The following SPOCK1 variants were observed in gnomAD, a reference collection of about 807,000 sequenced individuals.
The protein encoded by SPOCK1 is testican-1.
SPOCK1 carries 23 observed loss-of-function variants against 55.3 expected under a neutral mutation model. The observed-to-expected ratio is 0.42, with a 90% CI of 0.30 to 0.59. The LOEUF (loss-of-function observed/expected upper bound fraction) is 0.59. Ranked by LOEUF, SPOCK1 falls within the 20% of genes least tolerant of loss-of-function variation. The pLI is 0.22. For synonymous variants in SPOCK1, 226 were observed against 221.0 expected, an observed-to-expected ratio of 1.02 and a Z score of -0.20; for missense variants, 499 against 552.5, an observed-to-expected ratio of 0.90 and a Z score of 0.97.
chr5:137,254,640 C>G (rs868314338), intron 3 of SPOCK1, among the ~76,000 whole-genome samples: 2 of 152,252 alleles, frequency 1.3e-5, no homozygotes, highest in Admixed American at 6.5e-5. Context: ...GTAAAGCCCA[C>G]ACTACACTGT....
intron 6 of SPOCK1, among the ~76,000 whole-genome samples, chr5:137,012,825 A>G (rs1018160513): frequency 6.6e-6 from 1 of 152,248 alleles, no homozygotes; most frequent in Non-Finnish European, 1.5e-5. Context: ...AAGGCTTATC[A>G]TAGAAAAAAT....
intron 2 of SPOCK1, among the ~76,000 whole-genome samples, chr5:137,392,111 T>G (rs766250282): frequency 2.2e-4 from 33 of 152,172 alleles, no homozygotes; most frequent in Admixed American, 1.4e-3. Context: ...TCTAAATTAA[T>G]TCTATCCACA....
intron 5 of SPOCK1, among the ~76,000 whole-genome samples, chr5:137,101,010 A>T (rs1188744043): frequency 2.0e-5 from 3 of 152,310 alleles, no homozygotes; most frequent in African/African-American, 7.2e-5. Flanking sequence ...CCCATATAAC[A>T]CACAGGTCTC....
intron 4 of SPOCK1, among the ~76,000 whole-genome samples, chr5:137,115,482 T>C (rs567630998): frequency 2.6e-5 from 4 of 152,324 alleles, no homozygotes; most frequent in South Asian, 4.2e-4. Context: ...CCTTCAGTTT[T>C]ATAAATAATA....
intron 6 of SPOCK1, among the ~76,000 whole-genome samples, chr5:137,008,745 G>T (rs1367469743): frequency 3.3e-5 from 5 of 152,060 alleles, no homozygotes; most frequent in Admixed American, 6.6e-5. Context: ...CATAATAGTT[G>T]GAGTCAGATG....
intron 5 of SPOCK1, among the ~76,000 whole-genome samples, chr5:137,076,718 A>G (rs901282687): frequency 1.3e-5 from 2 of 151,596 alleles, no homozygotes; most frequent in Admixed American, 1.3e-4. Flanking sequence ...CAGTTGAACC[A>G]TTGTAAGTCA....
chr5:137,408,375 A>G (rs1752143388), intron 2 of SPOCK1, among the ~76,000 whole-genome samples: 1 of 152,188 alleles, frequency 6.6e-6, no homozygotes, highest in South Asian at 2.1e-4. Flanking sequence ...TTCCTCTCAT[A>G]TAGGCCCAAC....
intron 2 of SPOCK1, among the ~76,000 whole-genome samples, chr5:137,467,670 G>A (rs1753647062): frequency 6.6e-6 from 1 of 152,172 alleles, no homozygotes; most frequent in East Asian, 1.9e-4. Flanking sequence ...GAGCCAGGCT[G>A]AGACCAAAAG....
At chr5:137,044,148 G>A (rs1752057470) in intron 6 of SPOCK1, among the ~76,000 whole-genome samples, 1 of 152,168 alleles carries the variant, frequency 6.6e-6, no homozygotes, top group Non-Finnish European at 1.5e-5. Context: ...AGTGTTCTAA[G>A]CATAAAGAAT....
intron 2 of SPOCK1, among the ~76,000 whole-genome samples, chr5:137,453,462 A>G (rs890601415): frequency 6.6e-6 from 1 of 152,208 alleles, no homozygotes; most frequent in African/African-American, 2.4e-5. Flanking sequence ...TAAGACCAAG[A>G]AAACTTGGGC....
At chr5:137,074,681 T>C (rs1752714599) in intron 5 of SPOCK1, among the ~76,000 whole-genome samples, 1 of 144,764 alleles carries the variant, frequency 6.9e-6, no homozygotes, top group South Asian at 2.4e-4. Context: ...CATGCCCTGC[T>C]AATTTTTGTA....
intron 3 of SPOCK1, among the ~76,000 whole-genome samples, chr5:137,189,239 A>C (rs1408653489): frequency 6.6e-6 from 1 of 152,262 alleles, no homozygotes; most frequent in Non-Finnish European, 1.5e-5. Context: ...AATGCAGGCA[A>C]AACAACTTTC....
Position 137,045,046 on chromosome 5 carries a change from T to A in SPOCK1, c.589+22669A>T, listed in dbSNP as rs905758226. On this transcript the variant is annotated intron_variant, in intron 6 of 10. Coordinates refer to ENST00000394945, the MANE Select transcript of SPOCK1 (RefSeq NM_004598.4). The stretch of plus-strand genomic sequence containing the variant: ...ATTTTCTTAATCCAGTCTATCATTG[T>A]TGGACATTTGGGTTGGTTCCAAGTC... Among the ~76,000 whole-genome samples, 10 of 141,338 alleles carry A rather than the reference T, an allele frequency of 7.1e-5. 1 individual carries two copies. The highest frequency in any genetic ancestry group is 7.6e-3 in the Middle Eastern group (2 of 262). The allele number at this position is 141,338 out of a possible 152,430, so 92.7% of individuals were successfully genotyped here.
chr5:137,475,108 C>T (rs758544563), intron 2 of SPOCK1, among the ~76,000 whole-genome samples: 8 of 152,082 alleles, frequency 5.3e-5, no homozygotes, highest in Non-Finnish European at 8.8e-5. Flanking sequence ...TGAGACAAGG[C>T]GGCATGGCAT....
intron 2 of SPOCK1, among the ~76,000 whole-genome samples, chr5:137,419,342 T>G (rs963696774): frequency 2.0e-5 from 3 of 152,130 alleles, no homozygotes; most frequent in African/African-American, 4.8e-5. Context: ...GTGAAGAAAG[T>G]CATTGGTAGC....
intron 2 of SPOCK1, among the ~76,000 whole-genome samples, chr5:137,348,707 G>T (rs570160935): frequency 6.6e-6 from 1 of 152,104 alleles, no homozygotes; most frequent in Non-Finnish European, 1.5e-5. Context: ...CAATTACATT[G>T]CTCCTGTGTT....
intron 3 of SPOCK1, among the ~76,000 whole-genome samples, chr5:137,240,593 T>C (rs1026451729): frequency 6.6e-6 from 1 of 152,160 alleles, no homozygotes; most frequent in Non-Finnish European, 1.5e-5. Flanking sequence ...GGGATATCTA[T>C]TTAAACTATA....
At chr5:137,259,069 T>C (rs991649925) in intron 3 of SPOCK1, among the ~76,000 whole-genome samples, 7 of 152,202 alleles carry the variant, frequency 4.6e-5, no homozygotes, top group Non-Finnish European at 1.0e-4. Flanking sequence ...TACCTACTCC[T>C]TGGCCCTTTG....
At chr5:137,164,141 T>C (rs1754607169) in intron 3 of SPOCK1, among the ~76,000 whole-genome samples, 2 of 152,320 alleles carry the variant, frequency 1.3e-5, no homozygotes, top group African/African-American at 4.8e-5. Flanking sequence ...ATTTTGTTAA[T>C]GGGACCAAGA....
Sources: gnomAD v4.1 joint callset for allele counts (sites outside exome capture counted in the v4.1 genomes callset) on GRCh38, gnomAD v4.1.1 for gene constraint, MANE v1.5 for transcripts, NCBI Gene and HGNC (gene_info 2026-07-23, HGNC 2026-07-21) for gene names.